The following ZNF827 variants were observed in gnomAD, a reference collection of about 807,000 sequenced individuals.
ZNF827 encodes zinc finger protein 827.
Under a neutral mutation model 102.4 loss-of-function variants are expected in ZNF827, and 13 were observed. The ratio of observed to expected loss-of-function variants is 0.13; its 90% CI spans 0.08 to 0.20. The LOEUF (loss-of-function observed/expected upper bound fraction) is 0.20, where lower values mean the gene tolerates loss of function less well. Ranked by LOEUF, ZNF827 falls within the 10% of genes least tolerant of loss-of-function variation. The pLI, the probability that ZNF827 is intolerant of heterozygous loss-of-function variation, is 1.00. For missense variants in ZNF827, 1,103 were observed against 1,344.4 expected (o/e 0.82, Z 2.81); for synonymous variants, 523 against 536.2 (o/e 0.98, Z 0.34).
intron 4 of ZNF827, among the ~76,000 whole-genome samples, chr4:145,873,011 C>G (rs1315468953): frequency 6.8e-6 from 1 of 147,366 alleles, no homozygotes; most frequent in African/African-American, 2.5e-5. Flanking sequence ...TCTCGGCTCA[C>G]CACAACCTCT....
At chr4:145,770,806 T>G (rs1471693841) in intron 11 of ZNF827, among the ~76,000 whole-genome samples, 1 of 152,230 alleles carries the variant, frequency 6.6e-6, no homozygotes, top group Non-Finnish European at 1.5e-5. Flanking sequence ...TATTTTCCCA[T>G]GAATAAATTC....
At chr4:145,924,890 T>C (rs532943286) in intron 1 of ZNF827, among the ~76,000 whole-genome samples, 1 of 152,316 alleles carries the variant, frequency 6.6e-6, no homozygotes, top group South Asian at 2.1e-4. Flanking sequence ...GAACTTTTGG[T>C]TTATTTTGCC....
chr4:145,766,163 T>C (rs893516738), intron 11 of ZNF827, among the ~76,000 whole-genome samples: 3 of 152,154 alleles, frequency 2.0e-5, no homozygotes, highest in African/African-American at 7.2e-5. Context: ...CTAGATCATA[T>C]GGCTGGGAAG....
intron 5 of ZNF827, among the ~76,000 whole-genome samples, chr4:145,851,271 C>CAGAT (rs10581131): frequency 9.2e-4 from 139 of 151,566 alleles, no homozygotes; most frequent in East Asian, 4.1e-3. Flanking sequence ...TAGGAAACTT[C>CAGAT]AGATAGATAG....
intron 5 of ZNF827, among the ~76,000 whole-genome samples, chr4:145,860,774 C>T (rs530222596): frequency 6.6e-6 from 1 of 152,278 alleles, no homozygotes; most frequent in Admixed American, 6.5e-5. Context: ...GACAAAGATC[C>T]CTTCAGAAAG....
chr4:145,764,723 T>C, intron 13 of ZNF827: 1 of 497,470 alleles, frequency 2.0e-6, no homozygotes. Flanking sequence ...TCTTGCATGC[T>C]GGGTTGTTTC....
chr4:145,815,565 A>C (rs2126436203), intron 8 of ZNF827, among the ~76,000 whole-genome samples: 1 of 152,278 alleles, frequency 6.6e-6, no homozygotes, highest in African/African-American at 2.4e-5. Context: ...TTATGAGTGG[A>C]ATTACTTTTC....
intron 1 of ZNF827, among the ~76,000 whole-genome samples, chr4:145,905,104 T>C (rs1751737659): frequency 6.6e-6 from 1 of 152,272 alleles, no homozygotes; most frequent in South Asian, 2.1e-4. Context: ...ATCTGTCTGC[T>C]GTTGGCTTCC....
At chr4:145,782,113 C>T (rs935033017) in intron 8 of ZNF827, among the ~76,000 whole-genome samples, 3 of 152,232 alleles carry the variant, frequency 2.0e-5, no homozygotes, top group Admixed American at 6.5e-5. Context: ...CACAGTCCCA[C>T]GCCCAACTCC....
intron 7 of ZNF827, among the ~76,000 whole-genome samples, chr4:145,837,432 A>G (rs1744960977): frequency 6.6e-6 from 1 of 152,082 alleles, no homozygotes; most frequent in Middle Eastern, 3.2e-3. Context: ...ATTAGGCCCC[A>G]GTCTCATTCC....
At chr4:145,937,587 C>A (rs1754299096) in intron 1 of ZNF827, among the ~76,000 whole-genome samples, 1 of 146,048 alleles carries the variant, frequency 6.8e-6, no homozygotes, top group African/African-American at 2.5e-5. Flanking sequence ...CGCGCCCCCT[C>A]GCCTCGGCGC....
At chr4:145,884,060 A>T (rs1749902603) in intron 4 of ZNF827, among the ~76,000 whole-genome samples, 1 of 152,134 alleles carries the variant, frequency 6.6e-6, no homozygotes, top group Non-Finnish European at 1.5e-5. Flanking sequence ...GTCGGGGGAG[A>T]GAGGTGATGA....
rs1313781493 is a variant in ZNF827 at position 145,774,525 on chromosome 4, G to A, written c.2841C>T (p.His947=). Residue 947 remains histidine (H), a synonymous_variant, in exon 11 of 15, where the codon CAC becomes CAT. Coordinates refer to ENST00000508784, the MANE Select transcript of ZNF827 (RefSeq NM_001306215.2). Reference sequence around the variant, plus strand: ...GGTCACCTGTGTGCTTGGTGCCAATGTGAGTCTTTATCTCTGCTTCCTCCA... The same window carrying A: ...GGTCACCTGTGTGCTTGGTGCCAATATGAGTCTTTATCTCTGCTTCCTCCA... ...VTMEEAEIKT[H]IGTKHTGEDR... is the part of the protein sequence containing the mutation. The A allele has an allele frequency of 1.9e-6, 3 of 1,611,344 alleles. No homozygotes were observed. The highest frequency in any genetic ancestry group is 3.4e-5 in the Admixed American group (2 of 59,690).
chr4:145,887,568 CAGTT>C (rs1421592639), intron 3 of ZNF827, among the ~76,000 whole-genome samples: 2 of 152,178 alleles, frequency 1.3e-5, no homozygotes, highest in Admixed American at 6.5e-5. Context: ...CACTTAAACT[CAGTT>C]AGGCAAAGTC....
At position 145,902,139 on chromosome 4, in the gene ZNF827, C is replaced by T. The variant is rs546415878; in HGVS notation, c.1093+27G>A. The T allele has an allele frequency of 1.7e-5, 26 of 1,558,842 alleles. No individual in the cohort carries two copies. Among genetic ancestry groups the T allele is most frequent in the East Asian group, 2.2e-5 (1 of 44,694 alleles). ...CAGTTTATAGTCTAAAGGACTTACACGATGATTGAAAGAAAAGATGCCATA... is the reference window on the plus strand; with the variant it reads ...CAGTTTATAGTCTAAAGGACTTACATGATGATTGAAAGAAAAGATGCCATA... On this transcript the variant is annotated intron_variant, in intron 2 of 14. Transcript: ENST00000508784. The surrounding 1 kb of genome is among the most constrained non-coding windows in gnomAD (Gnocchi z 4.3).
chr4:145,918,332 C>CAAAAAAAAAAAAA (rs34428145), intron 1 of ZNF827, among the ~76,000 whole-genome samples: 2 of 22,128 alleles, frequency 9.0e-5, no homozygotes, highest in African/African-American at 4.6e-4. Flanking sequence ...TAGCTCAAGG[C>CAAAAAAAAAAAAA]AAAAAAAAAA....
chr4:145,896,152 G>A (rs987733069), intron 2 of ZNF827, among the ~76,000 whole-genome samples: 4 of 152,220 alleles, frequency 2.6e-5, no homozygotes, highest in East Asian at 1.9e-4. Context: ...TGTAGTAGCC[G>A]TTGTTGTAGT....
Position 145,757,676 on chromosome 4 carries a change from C to G in ZNF827, c.*3940G>C, listed in dbSNP as rs1368240949. On this transcript the variant is annotated 3_prime_UTR_variant, in exon 15 of 15. Coordinates refer to ENST00000508784, the MANE Select transcript of ZNF827 (RefSeq NM_001306215.2). ...AATTAGAGTATATTATACTTTCAAA[C>G]TGGATACACTAGAAATTGGCAATGC... is the stretch of plus-strand genomic sequence containing the variant. 2.7e-5 allele frequency: 4 copies of G among 149,698 alleles called. No individual in the cohort carries two copies. The highest frequency in any genetic ancestry group is 5.9e-5 in the Non-Finnish European group (4 of 67,660). 9.3% of individuals were successfully genotyped at this position (149,698 alleles called of 1,614,324 possible). A position where few individuals can be genotyped will look rare whatever the true frequency, so the allele number is the denominator to read the frequency against.
In ZNF827 at chr4:145,900,806, T is replaced by C. The variant is rs150918102; in HGVS notation, c.1093+1360A>G. Among the ~76,000 whole-genome samples the C allele has an allele frequency of 7.0e-3, 1,073 of 152,272 alleles. 12 individuals carry two copies. Among genetic ancestry groups the C allele is most frequent in the African/African-American group, 0.024 (1,016 of 41,544 alleles). On this transcript the variant is annotated intron_variant, in intron 2 of 14. Transcript: ENST00000508784. ...GGAGTGATTTTTTCCATCGTAGAAC[T>C]ACCCCAGCCTCCTTTGCTCTTCTCC...
Sources: gnomAD v4.1 joint callset for allele counts (sites outside exome capture counted in the v4.1 genomes callset) on GRCh38, gnomAD v4.1.1 for gene constraint, Gnocchi (gnomAD v3.1) non-coding constraint, MANE v1.5 for transcripts, NCBI Gene and HGNC (gene_info 2026-07-23, HGNC 2026-07-21) for gene names.